The following GSG1L variants were observed in gnomAD, a reference collection of about 807,000 sequenced individuals.
GSG1L encodes the protein germ cell-specific gene 1-like protein.
Under a neutral mutation model 42.1 loss-of-function variants are expected in GSG1L, and 24 were observed. The ratio of observed to expected loss-of-function variants is 0.57; its 90% CI spans 0.41 to 0.80. GSG1L has a LOEUF of 0.80. GSG1L is among the 30% of genes least tolerant of loss of function. The pLI is 0.00. For missense variants in GSG1L, 445 were observed against 472.2 expected (o/e 0.94, Z 0.53); for synonymous variants, 215 against 203.5 (o/e 1.06, Z -0.48).
chr16:27,933,539 C>T (rs772752215), intron 2 of GSG1L, among the ~76,000 whole-genome samples: 1 of 150,932 alleles, frequency 6.6e-6, no homozygotes, highest in Non-Finnish European at 1.5e-5. Context: ...TTCTCCACTA[C>T]TCAGGAGGCT....
At chr16:27,803,885 TGATA>T (rs1467116355) in intron 6 of GSG1L, among the ~76,000 whole-genome samples, 1 of 150,646 alleles carries the variant, frequency 6.6e-6, no homozygotes, top group African/African-American at 2.4e-5. Context: ...TGTAGATAGA[TGATA>T]GATAAATAGG....
Position 27,789,952 on chromosome 16 carries a change from T to A in GSG1L, c.*1418A>T, listed in dbSNP as rs960156809. On this transcript the variant is annotated 3_prime_UTR_variant, in exon 7 of 7. Transcript: ENST00000447459. ...TGATGATGGAGGGATGAATGAAAAA[T>A]GGATGAATGGACAATGGACAATAGC... The A allele has an allele frequency of 6.9e-6, 1 of 145,866 alleles. No homozygotes were observed. The highest frequency in any genetic ancestry group is 1.5e-5 in the Non-Finnish European group (1 of 66,904). 9.0% of individuals were successfully genotyped at this position (145,866 alleles called of 1,614,324 possible).
chr16:27,859,330 AC>A (rs2083615316), intron 3 of GSG1L, among the ~76,000 whole-genome samples: 1 of 152,164 alleles, frequency 6.6e-6, no homozygotes, highest in African/African-American at 2.4e-5. Context: ...CAAGATTGGG[AC>A]CTAGGCCATA....
rs1486827900 is a variant in GSG1L, at chr16:27,979,586, GAAGGAAGGAAGGAAGAAAGA to G, written c.350-16403_350-16384del. ...TCCATCAAAAAAAAAAAAAAAGAAA[GAAGGAAGGAAGGAAGAAAGA>G]AAGGAAGGAAGAAAGGGAGATGGGC... On this transcript the variant is annotated intron_variant, in intron 1 of 6. Transcript: ENST00000447459. Among the ~76,000 whole-genome samples, 122 of 132,628 alleles carry G rather than the reference GAAGGAAGGAAGGAAGAAAGA, an allele frequency of 9.2e-4. 2 individuals carry two copies. The highest frequency in any genetic ancestry group is 3.1e-3 in the African/African-American group (112 of 36,646). The allele number at this position is 132,628 out of a possible 152,430, so 87.0% of individuals were successfully genotyped here.
In GSG1L at chr16:28,063,581, C is replaced by A. The variant is rs1406234406; in HGVS notation, c.-157G>T. The A allele has an allele frequency of 4.5e-6, 1 of 221,080 alleles. No individual in the cohort carries two copies. The highest frequency in any genetic ancestry group is 7.6e-6 in the Non-Finnish European group (1 of 131,584). 13.7% of individuals were successfully genotyped at this position (221,080 alleles called of 1,614,324 possible). A position where few individuals can be genotyped will look rare whatever the true frequency, so the allele number is the denominator to read the frequency against. ...GACGCGGCGCGGGCCCATGCCCCCC[C>A]CAACCCCGGGGTGGGGGCGCGGCGC... On this transcript the variant is annotated 5_prime_UTR_variant, in exon 1 of 7. Transcript: ENST00000447459. This position sits in a 1 kb window ranked among gnomAD's most constrained non-coding sequence, Gnocchi z 5.8.
At chr16:27,962,601 C>A (rs2085082594) in intron 2 of GSG1L, among the ~76,000 whole-genome samples, 1 of 152,220 alleles carries the variant, frequency 6.6e-6, no homozygotes, top group South Asian at 2.1e-4. Context: ...TGACTGCTAT[C>A]CCCTGACTCA....
rs2082741403 is a variant in GSG1L, at chr16:27,790,723, CCTGTGTCCAGCCTGGGCT to C, written c.*629_*646del. 6.5e-6 allele frequency: 1 copy of C among 152,680 alleles called. No individual in the cohort carries two copies. The highest frequency in any genetic ancestry group is 1.5e-5 in the Non-Finnish European group (1 of 68,360). The allele number at this position is 152,680 out of a possible 1,614,324, so 9.5% of individuals were successfully genotyped here. ...CTGGAATACAAGGCAGCCCTGCCAG[CCTGTGTCCAGCCTGGGCT>C]CTGTGCTCCCTCCCTGCCACCCTGC... On this transcript the variant is annotated 3_prime_UTR_variant, in exon 7 of 7. Transcript: ENST00000447459.
At chr16:28,021,119 TA>T (rs2085837338) in intron 1 of GSG1L, among the ~76,000 whole-genome samples, 1 of 152,208 alleles carries the variant, frequency 6.6e-6, no homozygotes, top group African/African-American at 2.4e-5. Context: ...CTGGGTAATT[TA>T]TAAAGGAAAG....
At chr16:28,005,587 G>T (rs1351952270) in intron 1 of GSG1L, among the ~76,000 whole-genome samples, 1 of 151,568 alleles carries the variant, frequency 6.6e-6, no homozygotes, top group African/African-American at 2.4e-5. Flanking sequence ...ACATTCTGAG[G>T]TACTGGGGGT....
chr16:27,789,308 TG>T lies in GSG1L; in HGVS notation c.*2061del. The stretch of plus-strand genomic sequence containing the variant: ...GGATGGATGGATGGTTGATGGATAA[TG>T]GGCAGATGGAGGGATGAATGGATGT... On this transcript the variant is annotated 3_prime_UTR_variant, in exon 7 of 7. Transcript: ENST00000447459. The T allele has an allele frequency of 6.7e-6, 1 of 149,900 alleles. No homozygotes were observed. Among genetic ancestry groups the T allele is most frequent in the East Asian group, 2.0e-4 (1 of 4,946 alleles). The allele number at this position is 149,900 out of a possible 1,614,324, so 9.3% of individuals were successfully genotyped here.
chr16:27,844,940 G>A lies in GSG1L; in HGVS notation c.662+10C>T. 6.4e-7 allele frequency: 1 copy of A among 1,573,466 alleles called. No individual in the cohort carries two copies. The highest frequency in any genetic ancestry group is 8.7e-7 in the Non-Finnish European group (1 of 1,145,622). On this transcript the variant is annotated intron_variant, in intron 4 of 6. Coordinates refer to ENST00000447459, the MANE Select transcript of GSG1L (RefSeq NM_001109763.2). ...GCCTGAAGCTGCTCTTGTCCTGAAG[G>A]TCCACTTACCAGAAGGACCACCCGT...
chr16:28,061,616 C>A (rs2086342712), intron 1 of GSG1L, among the ~76,000 whole-genome samples: 3 of 152,196 alleles, frequency 2.0e-5, no homozygotes, highest in African/African-American at 7.2e-5. Context: ...GTGAACAAGA[C>A]CAACCGGGCT....
At chr16:27,990,198 G>C (rs2085439822) in intron 1 of GSG1L, among the ~76,000 whole-genome samples, 1 of 152,026 alleles carries the variant, frequency 6.6e-6, no homozygotes, top group South Asian at 2.1e-4. Context: ...TTCTTTTTAT[G>C]TTTTGTTTTT....
intron 1 of GSG1L, among the ~76,000 whole-genome samples, chr16:28,028,619 T>C (rs1020668403): frequency 6.6e-6 from 1 of 152,040 alleles, no homozygotes; most frequent in Non-Finnish European, 1.5e-5. Context: ...GAAAGGAAAT[T>C]ATTCCTTATT....
intron 4 of GSG1L, among the ~76,000 whole-genome samples, chr16:27,844,539 C>T (rs2083421337): frequency 6.6e-6 from 1 of 152,208 alleles, no homozygotes; most frequent in African/African-American, 2.4e-5. Context: ...CCGCCCAGTG[C>T]TGCCATCTCA....
intron 1 of GSG1L, among the ~76,000 whole-genome samples, chr16:28,020,431 G>A (rs1023240597): frequency 4.6e-5 from 7 of 152,166 alleles, no homozygotes; most frequent in East Asian, 3.8e-4. Flanking sequence ...AAACAATAAC[G>A]ATAACTAGTG....
Position 27,845,029 on chromosome 16 carries a change from T to G in GSG1L, c.583A>C (p.Thr195Pro). 6.2e-7 allele frequency: 1 copy of G among 1,613,576 alleles called. No homozygotes were observed. The highest frequency in any genetic ancestry group is 8.5e-7 in the Non-Finnish European group (1 of 1,179,770). ...CTCACGGTGACCTGGAACACCTGCG[T>G]GTACATCATGTGGGCGACCATTCCC... ...LLGMVAHMMYTQVFQVTVSLG... is the reference protein window; with the variant it reads ...LLGMVAHMMYPQVFQVTVSLG... The change falls in exon 4 of 7, where the codon ACG becomes CCG. Residue 195 changes from threonine (T) to proline (P), a missense_variant. Transcript: ENST00000447459.
chr16:27,964,336 A>AG (rs2085105311), intron 1 of GSG1L, among the ~76,000 whole-genome samples: 1 of 152,152 alleles, frequency 6.6e-6, no homozygotes, highest in African/African-American at 2.4e-5. Context: ...AAAAAAAAAA[A>AG]AAATGTGCAT....
chr16:28,004,323 G>T (rs1280454564), intron 1 of GSG1L, among the ~76,000 whole-genome samples: 2 of 152,134 alleles, frequency 1.3e-5, no homozygotes, highest in Admixed American at 6.5e-5. Context: ...GGGGTGTCCT[G>T]GGAGGAACAG....
Sources: gnomAD v4.1 joint callset for allele counts (sites outside exome capture counted in the v4.1 genomes callset) on GRCh38, gnomAD v4.1.1 for gene constraint, Gnocchi (gnomAD v3.1) non-coding constraint, MANE v1.5 for transcripts, NCBI Gene and HGNC (gene_info 2026-07-23, HGNC 2026-07-21) for gene names.